The following BBX variants were observed in gnomAD, a reference collection of about 807,000 sequenced individuals.
The protein encoded by BBX is BBX high mobility group box domain containing, also known as HMG box transcription factor BBX.
BBX carries 30 observed loss-of-function variants against 100.2 expected under a neutral mutation model. The observed-to-expected ratio is 0.30, with a 90% confidence interval of 0.22 to 0.41. The LOEUF (loss-of-function observed/expected upper bound fraction) is 0.41. Ranked by LOEUF, BBX falls within the 10% of genes least tolerant of loss-of-function variation. BBX has a pLI of 1.00. For missense variants in BBX, 1,023 were observed against 1,129.8 expected, an observed-to-expected ratio of 0.91 and a Z score of 1.35; for synonymous variants, 376 against 388.1, an observed-to-expected ratio of 0.97 and a Z score of 0.37.
chr3:107,600,815 T>A (rs2054009470), intron 2 of BBX, among the ~76,000 whole-genome samples: 1 of 152,160 alleles, frequency 6.6e-6, no homozygotes, highest in Non-Finnish European at 1.5e-5. Flanking sequence ...TGAGGAGGAC[T>A]CACCTCTACA....
At chr3:107,592,750 G>T (rs906438863) in intron 2 of BBX, among the ~76,000 whole-genome samples, 1 of 152,004 alleles carries the variant, frequency 6.6e-6, no homozygotes, top group African/African-American at 2.4e-5. Flanking sequence ...ATTGAATTTG[G>T]GGAGTTTCAG....
intron 9 of BBX, among the ~76,000 whole-genome samples, chr3:107,751,315 T>C (rs1214319776): frequency 1.3e-5 from 2 of 152,146 alleles, no homozygotes; most frequent in Non-Finnish European, 2.9e-5. Flanking sequence ...TCTTTAAAAG[T>C]ATTTAGCTTT....
At chr3:107,776,860 T>C (rs952079839) in intron 12 of BBX, among the ~76,000 whole-genome samples, 4 of 152,316 alleles carry the variant, frequency 2.6e-5, no homozygotes, top group Non-Finnish European at 4.4e-5. Context: ...TAGTATCCAA[T>C]TGTATCTGAT....
intron 13 of BBX, among the ~76,000 whole-genome samples, chr3:107,779,962 G>C (rs1189928180): frequency 6.6e-6 from 1 of 152,090 alleles, no homozygotes; most frequent in African/African-American, 2.4e-5. Flanking sequence ...AACAAGTCTA[G>C]TGAATAAAGA....
At chr3:107,659,648 C>A in intron 3 of BBX, 1 of 1,030,210 alleles carries the variant, frequency 9.7e-7, no homozygotes. Context: ...GGAATTCAAA[C>A]TCAGGCTGTC....
chr3:107,559,750 TG>T (rs1348893100), intron 2 of BBX, among the ~76,000 whole-genome samples: 1 of 152,198 alleles, frequency 6.6e-6, no homozygotes, highest in African/African-American at 2.4e-5. Context: ...AATTCTGTTT[TG>T]TTTTTTCTTT....
In BBX at chr3:107,617,102, C is replaced by T. The variant is rs528041324; in HGVS notation, c.-83-28734C>T. Among the ~76,000 whole-genome samples, 19 of 151,992 alleles carry T rather than the reference C, an allele frequency of 1.3e-4. No homozygotes were observed. The East Asian group carries it at 3.7e-3, about 29-fold the overall frequency. ...TCTCAGGTCAAAGTTCCTTTTTTTG[C>T]CTGTGTAAGTCTACTCGCTGTAGCA... On this transcript the variant is annotated intron_variant, in intron 2 of 17. Transcript: ENST00000325805.
intron 2 of BBX, among the ~76,000 whole-genome samples, chr3:107,592,461 A>G (rs756538065): frequency 1.3e-5 from 2 of 151,960 alleles, no homozygotes; most frequent in African/African-American, 2.4e-5. Flanking sequence ...TTTTAATATA[A>G]TAGCAGCCTT....
intron 2 of BBX, among the ~76,000 whole-genome samples, chr3:107,532,219 G>T (rs74923841): frequency 7.3e-4 from 111 of 151,642 alleles, no homozygotes; most frequent in Non-Finnish European, 1.4e-3. Context: ...ACAAAAACAT[G>T]TGACCAATGT....
intron 2 of BBX, among the ~76,000 whole-genome samples, chr3:107,550,598 G>C (rs902684263): frequency 6.6e-6 from 1 of 152,196 alleles, no homozygotes; most frequent in Non-Finnish European, 1.5e-5. Context: ...GAGTTTAGGG[G>C]CTCCAGCAGT....
chr3:107,535,965 T>G (rs1324999956), intron 2 of BBX, among the ~76,000 whole-genome samples: 3 of 152,238 alleles, frequency 2.0e-5, no homozygotes, highest in Non-Finnish European at 4.4e-5. Flanking sequence ...CAGTATAACA[T>G]GCATAATGTT....
Position 107,662,480 on chromosome 3 carries a change from G to A in BBX, c.-10+16571G>A, listed in dbSNP as rs373905046. ...CTTTCCATAAACATAATTGGTATCC[G>A]CTGCCAGTTTAGAATTTTTAGGGTT... is the stretch of plus-strand genomic sequence containing the variant. On this transcript the variant is annotated intron_variant, in intron 3 of 17. Transcript: ENST00000325805. The A allele has an allele frequency of 1.2e-4, 18 of 152,190 alleles. No individual in the cohort carries two copies. The East Asian group carries it at 1.7e-3, about 15-fold the overall frequency. The allele number at this position is 152,190 out of a possible 1,614,324, so 9.4% of individuals were successfully genotyped here.
At chr3:107,700,966 T>C in intron 3 of BBX, among the ~76,000 whole-genome samples, 1 of 151,842 alleles carries the variant, frequency 6.6e-6, no homozygotes, top group East Asian at 1.9e-4. Flanking sequence ...AGTAATGGGA[T>C]GGCTGGGTCA....
At position 107,639,807 on chromosome 3, in the gene BBX, G is replaced by A. The variant is rs564682528; in HGVS notation, c.-83-6029G>A. On this transcript the variant is annotated intron_variant, in intron 2 of 17. Transcript: ENST00000325805. ...AAATCAGCTAATGTATATTGAAATTGGTAGGGTTAAAAGTGAGACTGTCAG... is the reference window on the plus strand; with the variant it reads ...AAATCAGCTAATGTATATTGAAATTAGTAGGGTTAAAAGTGAGACTGTCAG... 2.6e-5 allele frequency among the ~76,000 whole-genome samples: 4 copies of A among 152,194 alleles called. No homozygotes were observed. The East Asian group carries it at 7.7e-4, about 29-fold the overall frequency.
intron 15 of BBX, among the ~76,000 whole-genome samples, chr3:107,791,770 A>C (rs1293353192): frequency 6.6e-6 from 1 of 152,208 alleles, no homozygotes; most frequent in Non-Finnish European, 1.5e-5. Flanking sequence ...CGGGAGGCCA[A>C]GGCGGGCAGA....
At chr3:107,590,249 G>A (rs975512998) in intron 2 of BBX, among the ~76,000 whole-genome samples, 1 of 151,956 alleles carries the variant, frequency 6.6e-6, no homozygotes, top group Non-Finnish European at 1.5e-5. Context: ...ATGTATATAG[G>A]CATCTATTTT....
chr3:107,540,762 C>T (rs1427512802), intron 2 of BBX, among the ~76,000 whole-genome samples: 5 of 152,146 alleles, frequency 3.3e-5, no homozygotes, highest in Non-Finnish European at 7.4e-5. Context: ...CCTGTTCCTT[C>T]TTCCCTCATC....
chr3:107,755,552 CT>C (rs778368925), intron 9 of BBX, 45 bp from the exon 10 acceptor site: 3 of 1,528,136 alleles, frequency 2.0e-6, no homozygotes, highest in Non-Finnish European at 2.7e-6. Context: ...AGCAAAGATT[CT>C]GGTATCACAA....
At chr3:107,782,817 C>T (rs1036528443) in intron 13 of BBX, among the ~76,000 whole-genome samples, 5 of 152,014 alleles carry the variant, frequency 3.3e-5, no homozygotes, top group African/African-American at 1.2e-4. Flanking sequence ...AGTTTGCATA[C>T]CAGCAATGAG....
Sources: allele counts gnomAD v4.1 joint callset (sites outside exome capture counted in the v4.1 genomes callset), GRCh38; gene constraint gnomAD v4.1.1; transcripts MANE v1.5; gene names NCBI Gene and HGNC (gene_info 2026-07-23, HGNC 2026-07-21).